The following FOXP2 variants were observed in gnomAD, a reference collection of about 807,000 sequenced individuals.
The protein encoded by FOXP2 is forkhead box protein P2.
FOXP2 carries 12 observed loss-of-function variants against 115.8 expected under a neutral mutation model. The ratio of observed to expected loss-of-function variants is 0.10; its 90% CI spans 0.07 to 0.17. The LOEUF is 0.17. Among genes scored for constraint, FOXP2 ranks in the 10% least tolerant of loss-of-function variants. The pLI is 1.00. For synonymous variants in FOXP2, 328 were observed against 297.7 expected (o/e 1.10, Z -1.05); for missense variants, 629 against 843.5 (o/e 0.75, Z 3.15).
chr7:114,536,984 C>T (rs1461584329), intron 3 of FOXP2, among the ~76,000 whole-genome samples: 1 of 151,472 alleles, frequency 6.6e-6, no homozygotes, highest in Non-Finnish European at 1.5e-5. Flanking sequence ...AGCTTAACAG[C>T]ATTTGATACT....
At chr7:114,167,696 A>G (rs531557333) in intron 1 of FOXP2, among the ~76,000 whole-genome samples, 8 of 152,074 alleles carry the variant, frequency 5.3e-5, no homozygotes, top group Admixed American at 3.3e-4. Context: ...TAGCACTTTG[A>G]GAGGCTGAGG....
At chr7:114,461,075 T>A (rs1285296392) in intron 2 of FOXP2, among the ~76,000 whole-genome samples, 1 of 152,188 alleles carries the variant, frequency 6.6e-6, no homozygotes, top group Non-Finnish European at 1.5e-5. Context: ...GCATTTTTTT[T>A]AAGTTAAAGG....
At chr7:114,247,682 C>A (rs1415503778) in intron 1 of FOXP2, among the ~76,000 whole-genome samples, 1 of 152,080 alleles carries the variant, frequency 6.6e-6, no homozygotes, top group Non-Finnish European at 1.5e-5. Flanking sequence ...ATTTGTTTTG[C>A]ATGTTTATAG....
At chr7:114,142,951 C>T (rs1792262256) in intron 1 of FOXP2, among the ~76,000 whole-genome samples, 1 of 151,778 alleles carries the variant, frequency 6.6e-6, no homozygotes, top group African/African-American at 2.4e-5. Flanking sequence ...GTTTCAAGAC[C>T]ACTTTTGGCA....
At chr7:114,645,256 A>G (rs1235429115) in intron 8 of FOXP2, 1 of 148,280 alleles carries the variant, frequency 6.7e-6, no homozygotes, top group Non-Finnish European at 1.5e-5. Flanking sequence ...TATTTAGTAT[A>G]TACATGTAAC....
intron 5 of FOXP2, chr7:114,631,079 C>T (rs1467444997): frequency 5.5e-6 from 1 of 183,338 alleles, no homozygotes; most frequent in East Asian, 1.4e-4. Flanking sequence ...CAGGCCTATC[C>T]TATGAAGGCT....
chr7:114,628,702 G>C, intron 4 of FOXP2, 25 bp downstream of exon 4: 1 of 1,613,724 alleles, frequency 6.2e-7, no homozygotes, highest in Middle Eastern at 1.7e-4. Flanking sequence ...CTGCTTTGGT[G>C]TTCTAGCATG....
intron 1 of FOXP2, among the ~76,000 whole-genome samples, chr7:114,194,830 G>T (rs1409048309): frequency 6.6e-6 from 1 of 151,856 alleles, no homozygotes; most frequent in South Asian, 2.1e-4. Flanking sequence ...AAATCTTTAG[G>T]ATTAGCTGGA....
At chr7:114,089,123 CTAG>C (rs1395656815) in intron 1 of FOXP2, among the ~76,000 whole-genome samples, 2 of 152,002 alleles carry the variant, frequency 1.3e-5, no homozygotes, top group Non-Finnish European at 2.9e-5. Flanking sequence ...AGTCGTCAGT[CTAG>C]TTAAATGCTT....
intron 1 of FOXP2, among the ~76,000 whole-genome samples, chr7:114,098,292 C>G (rs1426437171): frequency 6.6e-6 from 1 of 152,064 alleles, no homozygotes; most frequent in Non-Finnish European, 1.5e-5. Context: ...TTTCAAAAAC[C>G]ATAGATGGAG....
chr7:114,198,359 G>A (rs1481105176), intron 1 of FOXP2, among the ~76,000 whole-genome samples: 1 of 152,162 alleles, frequency 6.6e-6, no homozygotes. Context: ...GTCCTCTCTA[G>A]TGGTCCCCAA....
intron 9 of FOXP2, 122 bp from the exon 10 acceptor site, chr7:114,653,804 G>A (rs11765385): frequency 1.4e-5 from 15 of 1,103,062 alleles, no homozygotes; most frequent in Middle Eastern, 2.0e-4. Context: ...TCCTCCTGAC[G>A]CAGACTTTTA....
At chr7:114,470,322 C>A (rs898984348) in intron 2 of FOXP2, among the ~76,000 whole-genome samples, 1 of 152,144 alleles carries the variant, frequency 6.6e-6, no homozygotes, top group Non-Finnish European at 1.5e-5. Flanking sequence ...CAAACACATA[C>A]CATGCTAGTT....
intron 16 of FOXP2, among the ~76,000 whole-genome samples, chr7:114,682,287 G>A (rs976323079): frequency 6.6e-6 from 1 of 152,104 alleles, no homozygotes; most frequent in African/African-American, 2.4e-5. Context: ...TTATAAATGA[G>A]GTGCCTAAAC....
At chr7:114,404,605 C>A (rs1411802231) in intron 2 of FOXP2, among the ~76,000 whole-genome samples, 1 of 152,020 alleles carries the variant, frequency 6.6e-6, no homozygotes, top group African/African-American at 2.4e-5. Flanking sequence ...AAATCAAAAT[C>A]GCCTTTTTAA....
chr7:114,638,043 G>T lies in FOXP2; in HGVS notation c.776-4367G>T, dbSNP rs1433711762. The stretch of plus-strand genomic sequence containing the variant: ...GAAAACTCTAAAGAGGACTGAGTTG[G>T]GGTTGAGGGAGGGGGCTGTATAAAC... On this transcript the variant is annotated intron_variant, in intron 6 of 16. Transcript: ENST00000350908. Among the ~76,000 whole-genome samples the T allele has an allele frequency of 2.0e-5, 3 of 152,196 alleles. No individual in the cohort carries two copies. In the South Asian group the frequency reaches 6.2e-4, roughly 32 times the overall value.
intron 1 of FOXP2, among the ~76,000 whole-genome samples, chr7:114,140,551 C>A (rs1792177780): frequency 6.6e-6 from 1 of 152,180 alleles, no homozygotes; most frequent in Non-Finnish European, 1.5e-5. Context: ...ATTTAATCCA[C>A]AGTAGAGTAG....
intron 2 of FOXP2, among the ~76,000 whole-genome samples, chr7:114,367,541 T>C (rs1469762551): frequency 2.0e-5 from 3 of 152,148 alleles, no homozygotes; most frequent in East Asian, 1.9e-4. Flanking sequence ...ATCTGACTAA[T>C]AGAACTATGA....
chr7:114,310,607 A>G (rs1797125611), intron 2 of FOXP2, among the ~76,000 whole-genome samples: 1 of 151,488 alleles, frequency 6.6e-6, no homozygotes, highest in African/African-American at 2.4e-5. Context: ...CAGGCATCAG[A>G]GTTTCTAGTT....
Sources: allele counts gnomAD v4.1 joint callset (sites outside exome capture counted in the v4.1 genomes callset), GRCh38; gene constraint gnomAD v4.1.1; transcripts MANE v1.5; gene names NCBI Gene and HGNC (gene_info 2026-07-23, HGNC 2026-07-21).